DLC1: variants seen among roughly 807,000 people sequenced by gnomAD.
DLC1 encodes rho GTPase-activating protein 7.
A neutral mutation model predicts 140.3 loss-of-function variants in DLC1; 54 were observed. The ratio of observed to expected loss-of-function variants is 0.38; its 90% CI spans 0.31 to 0.48. DLC1 has a LOEUF of 0.48. Ranked by LOEUF, DLC1 falls within the 20% of genes least tolerant of loss-of-function variation. DLC1 has a pLI of 0.96. For missense variants in DLC1, 2,536 were observed against 1,907.0 expected, an observed-to-expected ratio of 1.33 and a Z score of -6.14; for synonymous variants, 986 against 728.1, an observed-to-expected ratio of 1.35 and a Z score of -5.70.
chr8:13,313,483 T>A (rs989722230), intron 4 of DLC1, among the ~76,000 whole-genome samples: 21 of 152,132 alleles, frequency 1.4e-4, no homozygotes, highest in Admixed American at 9.2e-4. Context: ...CTCAGTGAGA[T>A]AGGGGTAGAT....
intron 1 of DLC1, chr8:13,566,923 T>C (rs1010019850): frequency 2.0e-6 from 3 of 1,464,192 alleles, no homozygotes; most frequent in Middle Eastern, 1.9e-4. Flanking sequence ...AGGGGTCAGC[T>C]CCTGACGGGT....
intron 4 of DLC1, among the ~76,000 whole-genome samples, chr8:13,375,079 G>C (rs1276201095): frequency 6.7e-6 from 1 of 148,524 alleles, no homozygotes; most frequent in African/African-American, 2.5e-5. Context: ...CCAGGCTGGA[G>C]TGCAGTGGCA....
intron 5 of DLC1, among the ~76,000 whole-genome samples, chr8:13,297,277 T>C (rs971025700): frequency 5.0e-3 from 1 of 202 alleles, no homozygotes; most frequent in African/African-American, 6.6e-3. Flanking sequence ...GAGGCCTTCA[T>C]ACATTAAAAA....
rs529209378 is a variant in DLC1, at chr8:13,155,048, C to G, written c.1349-39391G>C. ...CAATTACTGTCATATCCTAGGCATTCTCATTCTGTAACGTATATACTTGTA... is the reference window on the plus strand; with the variant it reads ...CAATTACTGTCATATCCTAGGCATTGTCATTCTGTAACGTATATACTTGTA... On this transcript the variant is annotated intron_variant, in intron 5 of 17. Coordinates refer to ENST00000276297, the MANE Select transcript of DLC1 (RefSeq NM_182643.3). 2.0e-5 allele frequency among the ~76,000 whole-genome samples: 3 copies of G among 151,768 alleles called. No homozygotes were observed. The South Asian group carries it at 6.3e-4, about 32-fold the overall frequency.
At chr8:13,522,915 T>C (rs544633375) in intron 1 of DLC1, among the ~76,000 whole-genome samples, 1 of 152,166 alleles carries the variant, frequency 6.6e-6, no homozygotes, top group East Asian at 1.9e-4. Flanking sequence ...GAACAGATAG[T>C]GCACAGTCCT....
rs961264889 is a variant in DLC1, at chr8:13,393,205, A to G, written c.1314+348T>C. Among the ~76,000 whole-genome samples the G allele has an allele frequency of 4.6e-5, 7 of 152,110 alleles. No individual in the cohort carries two copies. In the South Asian group the frequency reaches 6.2e-4, roughly 14 times the overall value. On this transcript the variant is annotated intron_variant, in intron 4 of 17. Coordinates refer to ENST00000276297, the MANE Select transcript of DLC1 (RefSeq NM_182643.3). The stretch of plus-strand genomic sequence containing the variant: ...TCATTCATCACATCTTAGAGGAACA[A>G]TTTTCTAACTGGTAAGCAATACTGT...
At chr8:13,539,203 G>GTATGTATA (rs1803402134) in intron 1 of DLC1, among the ~76,000 whole-genome samples, 2 of 151,914 alleles carry the variant, frequency 1.3e-5, no homozygotes, top group South Asian at 2.1e-4. Context: ...ATGTATGTAT[G>GTATGTATA]TATGTATTTA....
intron 1 of DLC1, among the ~76,000 whole-genome samples, chr8:13,579,248 A>ATATATG (rs1554546975): frequency 1.0e-5 from 1 of 97,318 alleles, no homozygotes; most frequent in East Asian, 2.7e-4. Flanking sequence ...CAGGGAGCAT[A>ATATATG]TATATATATA....
At chr8:13,536,214 T>C (rs1803277168) in intron 1 of DLC1, 1 of 152,144 alleles carries the variant, frequency 6.6e-6, no homozygotes, top group African/African-American at 2.4e-5. Flanking sequence ...AAACTTCATA[T>C]ACAACACAAA....
At chr8:13,566,873 C>G in intron 1 of DLC1, 1 of 1,298,688 alleles carries the variant, frequency 7.7e-7, no homozygotes, top group Non-Finnish European at 1.0e-6. Context: ...TCCCGGAAGA[C>G]GACCTCCGCA....
chr8:13,555,085 G>A (rs548052490), intron 1 of DLC1, among the ~76,000 whole-genome samples: 9 of 152,092 alleles, frequency 5.9e-5, no homozygotes, highest in Non-Finnish European at 1.2e-4. Flanking sequence ...ACTTTTGCTC[G>A]ATAACCTCAT....
chr8:13,327,274 C>G (rs1833403482), intron 4 of DLC1, among the ~76,000 whole-genome samples: 2 of 151,866 alleles, frequency 1.3e-5, no homozygotes, highest in Admixed American at 1.3e-4. Context: ...CGCCCGGCCC[C>G]ACTTGCAGTT....
intron 4 of DLC1, among the ~76,000 whole-genome samples, chr8:13,320,281 G>T (rs1240243018): frequency 6.6e-6 from 1 of 151,968 alleles, no homozygotes; most frequent in East Asian, 1.9e-4. Flanking sequence ...GGGATATTTG[G>T]TCTTATGATT....
At chr8:13,413,042 T>C (rs903455041) in intron 2 of DLC1, among the ~76,000 whole-genome samples, 3 of 151,974 alleles carry the variant, frequency 2.0e-5, no homozygotes, top group African/African-American at 7.2e-5. Flanking sequence ...CTCAGCACTT[T>C]AGTCTGGTGT....
chr8:13,443,252 T>C (rs181342328), intron 2 of DLC1, among the ~76,000 whole-genome samples: 1,633 of 149,720 alleles, frequency 0.011, 28 homozygotes, highest in African/African-American at 0.037. Context: ...ATACCTAAGG[T>C]TAAATGATAG....
chr8:13,580,959 C>G (rs62493200), intron 1 of DLC1, among the ~76,000 whole-genome samples: 11,311 of 152,224 alleles, frequency 0.074, 651 homozygotes, highest in Admixed American at 0.18. Flanking sequence ...GAGCTTCCCA[C>G]CAGTACTGAA....
At chr8:13,230,683 A>G (rs1449160237) in intron 5 of DLC1, among the ~76,000 whole-genome samples, 3 of 143,746 alleles carry the variant, frequency 2.1e-5, no homozygotes, top group African/African-American at 7.8e-5. Flanking sequence ...TGCAACCTCT[A>G]CCTCCCAGGT....
At chr8:13,588,542 A>G (rs945501869) in intron 1 of DLC1, among the ~76,000 whole-genome samples, 2 of 152,138 alleles carry the variant, frequency 1.3e-5, no homozygotes, top group Non-Finnish European at 2.9e-5. Context: ...GCCTGGGGGT[A>G]CAGCATGTTT....
At chr8:13,540,859 G>A (rs992410228) in intron 1 of DLC1, among the ~76,000 whole-genome samples, 1 of 152,172 alleles carries the variant, frequency 6.6e-6, no homozygotes, top group African/African-American at 2.4e-5. Flanking sequence ...CAGAACAGGA[G>A]TTCAGATTGT....
Sources: gnomAD v4.1 joint callset for allele counts (sites outside exome capture counted in the v4.1 genomes callset) on GRCh38, gnomAD v4.1.1 for gene constraint, MANE v1.5 for transcripts, NCBI Gene and HGNC (gene_info 2026-07-23, HGNC 2026-07-21) for gene names.